Variants in ST6GAL2 observed in about 807,000 individuals in gnomAD.
ST6GAL2 encodes ST6 beta-galactoside alpha-2,6-sialyltransferase 2, also known as beta-galactoside alpha-2,6-sialyltransferase 2.
ST6GAL2 carries 24 observed loss-of-function variants against 37.5 expected under a neutral mutation model. The observed-to-expected ratio is 0.64, with a 90% CI of 0.46 to 0.90. The LOEUF (loss-of-function observed/expected upper bound fraction) is 0.90, where lower values mean the gene tolerates loss of function less well. Ranked by LOEUF, ST6GAL2 falls within the 40% of genes least tolerant of loss-of-function variation. The probability of loss-of-function intolerance (pLI) is 0.00; values close to 1 mark genes in which losing one functional copy is unlikely to be tolerated. For synonymous variants in ST6GAL2, 306 were observed against 295.1 expected, an observed-to-expected ratio of 1.04 and a Z score of -0.38; for missense variants, 715 against 712.7, an observed-to-expected ratio of 1.00 and a Z score of -0.04.
intron 1 of ST6GAL2, among the ~76,000 whole-genome samples, chr2:106,876,077 C>T (rs1678491775): frequency 6.6e-6 from 1 of 152,176 alleles, no homozygotes; most frequent in Non-Finnish European, 1.5e-5. Flanking sequence ...AGAGATCCTC[C>T]TGCCTTAACC....
intron 1 of ST6GAL2, among the ~76,000 whole-genome samples, chr2:106,884,743 C>G (rs1477754475): frequency 6.6e-6 from 1 of 151,792 alleles, no homozygotes; most frequent in East Asian, 1.9e-4. Context: ...CCTTTGCCAA[C>G]AGTTTCTTTT....
chr2:106,830,292 G>A (rs1167901998), intron 4 of ST6GAL2, 52 bp from the exon 5 acceptor site: 2 of 1,511,776 alleles, frequency 1.3e-6, no homozygotes, highest in African/African-American at 2.8e-5. Context: ...AACTATGAAA[G>A]GAGACAGGGC....
Position 106,843,555 on chromosome 2 carries a change from G to C in ST6GAL2, c.423C>G (p.His141Gln). ...ATCCCAATGTCCCCTGAGTGTGGCT[G>C]TGCCACCCTGGCTGACCAGCAGCAA... is the stretch of plus-strand genomic sequence containing the variant. ...YFFAAGQPGW[H>Q]SHTQGTLGFP... is the part of the protein sequence containing the mutation. Residue 141 changes from histidine (H) to glutamine (Q), a missense_variant, in exon 2 of 6, where the codon CAC becomes CAG. By Grantham distance (24) the His-to-Gln change is conservative. Around this residue, in one of 3 missense-constraint regions of ST6GAL2, gnomAD observed 512 missense variants for 488.8 expected, o/e 1.05. Coordinates refer to ENST00000409382, the MANE Select transcript of ST6GAL2 (RefSeq NM_001142351.2). 6.2e-7 allele frequency: 1 copy of C among 1,614,046 alleles called. No homozygotes were observed. The highest frequency in any genetic ancestry group is 8.5e-7 in the Non-Finnish European group (1 of 1,180,014).
At chr2:106,809,641 C>T (rs563567357) in intron 5 of ST6GAL2, among the ~76,000 whole-genome samples, 1 of 152,294 alleles carries the variant, frequency 6.6e-6, no homozygotes, top group South Asian at 2.1e-4. Context: ...TGGGACTTGT[C>T]TTCATTTCCA....
At chr2:106,841,593 AG>A (rs1038020170) in intron 2 of ST6GAL2, among the ~76,000 whole-genome samples, 1 of 152,144 alleles carries the variant, frequency 6.6e-6, no homozygotes, top group African/African-American at 2.4e-5. Flanking sequence ...CCTGGGAAGA[AG>A]GGGGGTTCCG....
intron 5 of ST6GAL2, among the ~76,000 whole-genome samples, chr2:106,826,070 GTCTC>G (rs1439347772): frequency 2.0e-5 from 3 of 152,186 alleles, no homozygotes; most frequent in Non-Finnish European, 4.4e-5. Context: ...AACTTTTAGA[GTCTC>G]TCTATTTCAA....
chr2:106,840,109 T>A (rs953149310), intron 2 of ST6GAL2, among the ~76,000 whole-genome samples: 3 of 152,118 alleles, frequency 2.0e-5, no homozygotes, highest in African/African-American at 7.2e-5. Flanking sequence ...TGGAGAGGGC[T>A]CCTCCTGGCA....
At chr2:106,871,453 T>C (rs1025297316) in intron 1 of ST6GAL2, among the ~76,000 whole-genome samples, 1 of 152,226 alleles carries the variant, frequency 6.6e-6, no homozygotes, top group African/African-American at 2.4e-5. Flanking sequence ...TTAAGATTAG[T>C]AATTTAGCTT....
chr2:106,834,083 CCAA>C lies in ST6GAL2; in HGVS notation c.1004_1006del (p.Val335del), dbSNP rs757821651. 1 of 1,613,714 alleles carries C rather than the reference CCAA, an allele frequency of 6.2e-7. No individual in the cohort carries two copies. Among genetic ancestry groups the C allele is most frequent in the South Asian group, 1.1e-5 (1 of 91,062 alleles). On this transcript the variant is annotated inframe_deletion, in exon 3 of 6. Transcript: ENST00000409382. ...AATGATGCGTATGGTGGTTTTATTC[CCAA>C]CATCTTTCTCATAACCACGTGTAGG...
At chr2:106,823,507 C>CCA (rs1553417633) in intron 5 of ST6GAL2, among the ~76,000 whole-genome samples, 1 of 137,120 alleles carries the variant, frequency 7.3e-6, no homozygotes, top group Non-Finnish European at 1.6e-5. Flanking sequence ...AGAGAGAGAT[C>CCA]GAGAGAGAGA....
In ST6GAL2 at chr2:106,843,096, G is replaced by GCGCAGC; in HGVS notation, c.881_882insGCTGCG (p.Leu293_Arg294dup). ...CTGCAGACATGACGACAGCGCAGCT[G>GCGCAGC]CGCAGGCCGCGGGGGTGCAGCTGGC... is the stretch of plus-strand genomic sequence containing the variant. On this transcript the variant is annotated inframe_insertion, in exon 2 of 6. Coordinates refer to ENST00000409382, the MANE Select transcript of ST6GAL2 (RefSeq NM_001142351.2). 6.6e-7 allele frequency: 1 copy of GCGCAGC among 1,524,788 alleles called. No homozygotes were observed. Among genetic ancestry groups the GCGCAGC allele is most frequent in the Non-Finnish European group, 8.8e-7 (1 of 1,142,406 alleles). 94.5% of individuals were successfully genotyped at this position (1,524,788 alleles called of 1,614,324 possible). A position where few individuals can be genotyped will look rare whatever the true frequency, so the allele number is the denominator to read the frequency against.
In ST6GAL2 at chr2:106,806,761, A is replaced by C; in HGVS notation, c.1507T>G (p.Leu503Val). The C allele has an allele frequency of 1.2e-6, 2 of 1,614,116 alleles. No individual in the cohort carries two copies. The highest frequency in any genetic ancestry group is 2.2e-5 in the South Asian group (2 of 91,082). ...AGAACCACCTTGCCCTTGCGATGCA[A>C]ATCCCCCTGCGTGCCCATGTTCAGG... ...QRLNMGTQGD[L>V]HRKGKVVLPG... is the part of the protein sequence containing the mutation. The change falls in exon 6 of 6, where the codon TTG becomes GTG. Residue 503 changes from leucine to valine, a missense_variant. Leu to Val is a conservative substitution (Grantham distance 32, BLOSUM62 1). Around this residue, in one of 3 missense-constraint regions of ST6GAL2, gnomAD observed 198 missense variants for 203.6 expected, o/e 0.97. Transcript: ENST00000409382.
At chr2:106,877,676 A>T (rs539910920) in intron 1 of ST6GAL2, among the ~76,000 whole-genome samples, 4 of 152,390 alleles carry the variant, frequency 2.6e-5, no homozygotes, top group Admixed American at 1.3e-4. Context: ...CCTACACAAG[A>T]TAAACAAGAG....
chr2:106,817,331 G>C (rs1394478847), intron 5 of ST6GAL2, among the ~76,000 whole-genome samples: 1 of 152,194 alleles, frequency 6.6e-6, no homozygotes. Flanking sequence ...TATCAGGAGA[G>C]GAGAGAGAAG....
chr2:106,882,731 T>C (rs1412556053), intron 1 of ST6GAL2, among the ~76,000 whole-genome samples: 2 of 152,190 alleles, frequency 1.3e-5, no homozygotes, highest in Admixed American at 1.3e-4. Flanking sequence ...TTTCCTTTGC[T>C]CTCTAAGAAA....
At chr2:106,824,581 G>A (rs1047418709) in intron 5 of ST6GAL2, among the ~76,000 whole-genome samples, 2 of 152,126 alleles carry the variant, frequency 1.3e-5, no homozygotes, top group African/African-American at 4.8e-5. Context: ...GCAGTGAGCC[G>A]AGAAGGCTCC....
intron 5 of ST6GAL2, among the ~76,000 whole-genome samples, chr2:106,827,822 T>G (rs61441452): frequency 0.24 from 36,475 of 152,130 alleles, 4,638 homozygotes; most frequent in East Asian, 0.33. Context: ...TATTGGTCAG[T>G]ACAGTGTTAG....
chr2:106,879,836 CTA>C, intron 1 of ST6GAL2, among the ~76,000 whole-genome samples: 1 of 146,760 alleles, frequency 6.8e-6, no homozygotes, highest in Middle Eastern at 3.8e-3. Context: ...GATAATTAAT[CTA>C]TATATAATCT....
Position 106,806,477 on chromosome 2 carries a change from T to C in ST6GAL2, c.*201A>G. On this transcript the variant is annotated 3_prime_UTR_variant, in exon 6 of 6. Coordinates refer to ENST00000409382, the MANE Select transcript of ST6GAL2 (RefSeq NM_001142351.2). ...GTTTTGCATCTTTCTTGAGCCTTAT[T>C]TTTTTAAAAAAACCATTTCTATGTT... 1.6e-6 allele frequency: 1 copy of C among 615,694 alleles called. No individual in the cohort carries two copies. The allele number at this position is 615,694 out of a possible 1,614,324, so 38.1% of individuals were successfully genotyped here.
Sources: gnomAD v4.1 joint callset for allele counts (sites outside exome capture counted in the v4.1 genomes callset) on GRCh38, gnomAD v4.1.1 for gene constraint, gnomAD v4.1.1 regional missense constraint, MANE v1.5 for transcripts, NCBI Gene and HGNC (gene_info 2026-07-23, HGNC 2026-07-21) for gene names.